Variants in IL1R2 observed in about 807,000 individuals in gnomAD.
IL1R2 encodes the protein interleukin-1 receptor type 2.
In IL1R2, 46 loss-of-function variants were observed where a neutral mutation model predicts 39.5. The observed-to-expected ratio is 1.16, with a 90% CI of 0.92 to 1.49. The LOEUF (loss-of-function observed/expected upper bound fraction) is 1.49, where lower values mean the gene tolerates loss of function less well. IL1R2 is among the 40% of genes most tolerant of loss of function. The pLI, the probability that IL1R2 is intolerant of heterozygous loss-of-function variation, is 0.00. For missense variants in IL1R2, 537 were observed against 502.0 expected, an observed-to-expected ratio of 1.07 and a Z score of -0.67; for synonymous variants, 207 against 189.6, an observed-to-expected ratio of 1.09 and a Z score of -0.75.
At position 102,022,257 on chromosome 2, in the gene IL1R2, C is replaced by T; in HGVS notation, c.751+8C>T. 1 of 1,611,046 alleles carries T rather than the reference C, an allele frequency of 6.2e-7. No individual in the cohort carries two copies. Among genetic ancestry groups the T allele is most frequent in the Non-Finnish European group, 8.5e-7 (1 of 1,177,146 alleles). On this transcript the variant is annotated splice_region_variant and intron_variant, in intron 6 of 8. Transcript: ENST00000332549. ...CCATATCAGCTTCTCTGGGTAAGGCCCACAAGGACCATGCATTCCACGCAC... is the reference window on the plus strand; with the variant it reads ...CCATATCAGCTTCTCTGGGTAAGGCTCACAAGGACCATGCATTCCACGCAC...
At chr2:102,003,924 T>A (rs538466858) in intron 1 of IL1R2, among the ~76,000 whole-genome samples, 1 of 152,054 alleles carries the variant, frequency 6.6e-6, no homozygotes, top group African/African-American at 2.4e-5. Flanking sequence ...TATGTGTATG[T>A]CTAGGTCTAG....
intron 1 of IL1R2, among the ~76,000 whole-genome samples, chr2:102,007,567 T>C (rs1330535751): frequency 1.3e-5 from 2 of 152,190 alleles, no homozygotes; most frequent in Non-Finnish European, 2.9e-5. Flanking sequence ...CTTAATAATT[T>C]AGAAGCTTAT....
In IL1R2 at chr2:102,022,210, G is replaced by C. The variant is rs1677444010; in HGVS notation, c.712G>C (p.Val238Leu). 5.0e-6 allele frequency: 8 copies of C among 1,613,656 alleles called. No homozygotes were observed. Among genetic ancestry groups the C allele is most frequent in the African/African-American group, 4.0e-5 (3 of 74,912 alleles). The change falls in exon 6 of 9, where the codon GTG becomes CTG. Residue 238 changes from valine to leucine, a missense_variant. Coordinates refer to ENST00000332549, the MANE Select transcript of IL1R2 (RefSeq NM_004633.4). The part of the protein sequence containing the change: ...IKKKKEETIP[V>L]IISPLKTISA... ...AGAAAAAAAAGAAGAGACCATTCCT[G>C]TGATCATTTCCCCCCTCAAGACCAT...
intron 5 of IL1R2, 23 bp downstream of exon 5, chr2:102,019,835 C>A: frequency 2.5e-6 from 4 of 1,591,002 alleles, no homozygotes; most frequent in Non-Finnish European, 3.4e-6. Context: ...CATTGAGGCA[C>A]CTATCTATCC....
intron 4 of IL1R2, 94 bp downstream of exon 4, chr2:102,016,145 G>A: frequency 3.1e-6 from 3 of 970,016 alleles, no homozygotes; most frequent in South Asian, 3.2e-5. Flanking sequence ...TCTGAAGACA[G>A]TGCACACACA....
intron 6 of IL1R2, 53 bp from the exon 7 acceptor site, chr2:102,024,480 T>C: frequency 1.5e-6 from 2 of 1,334,054 alleles, no homozygotes; most frequent in South Asian, 2.3e-5. Flanking sequence ...GGTTTGCTGG[T>C]GGGTGGGAGG....
chr2:102,017,528 A>G (rs1052516665), intron 4 of IL1R2, among the ~76,000 whole-genome samples: 5 of 152,150 alleles, frequency 3.3e-5, no homozygotes, highest in Non-Finnish European at 5.9e-5. Context: ...AGAACATCAG[A>G]TATTGTCATT....
intron 8 of IL1R2, among the ~76,000 whole-genome samples, chr2:102,026,783 A>G (rs1216845279): frequency 6.6e-6 from 1 of 152,202 alleles, no homozygotes; most frequent in African/African-American, 2.4e-5. Context: ...CCACATTATC[A>G]TTTTTGATTA....
At position 102,004,074 on chromosome 2, in the gene IL1R2, A is replaced by C. The variant is rs374162128; in HGVS notation, c.-61-4441A>C. Among the ~76,000 whole-genome samples the C allele has an allele frequency of 2.0e-5, 3 of 150,556 alleles. No individual in the cohort carries two copies. In the East Asian group the frequency reaches 5.8e-4, roughly 29 times the overall value. On this transcript the variant is annotated intron_variant, in intron 1 of 8. Coordinates refer to ENST00000332549, the MANE Select transcript of IL1R2 (RefSeq NM_004633.4). ...GTGCCTGTGTGTAAATAGAAAGAGA[A>C]GAAGAGGGAGAGTGAGAATAAAGCG... is the stretch of plus-strand genomic sequence containing the variant.
At chr2:102,026,432 G>A (rs1314793210) in intron 8 of IL1R2, among the ~76,000 whole-genome samples, 179 bp downstream of exon 8, 1 of 152,162 alleles carries the variant, frequency 6.6e-6, no homozygotes, top group Non-Finnish European at 1.5e-5. Context: ...GTGGAGGCTG[G>A]ACTTTGGGAG....
intron 7 of IL1R2, 144 bp downstream of exon 7, chr2:102,024,812 T>C (rs1314435095): frequency 4.7e-6 from 5 of 1,056,954 alleles, no homozygotes; most frequent in Non-Finnish European, 5.1e-6. Flanking sequence ...TAAAAAATTG[T>C]ATTTTGCTAA....
chr2:102,028,419 A>T lies in IL1R2; in HGVS notation c.*27A>T, dbSNP rs769630369. The stretch of plus-strand genomic sequence containing the variant: ...ATAAATGGAATGAAATAATTCAAAC[A>T]CAAACTCCGTACGTCTTCTCTTATG... On this transcript the variant is annotated 3_prime_UTR_variant, in exon 9 of 9. Coordinates refer to ENST00000332549, the MANE Select transcript of IL1R2 (RefSeq NM_004633.4). 5.8e-6 allele frequency: 9 copies of T among 1,548,220 alleles called. No individual in the cohort carries two copies. The highest frequency in any genetic ancestry group is 7.9e-6 in the Non-Finnish European group (9 of 1,137,560).
intron 1 of IL1R2, among the ~76,000 whole-genome samples, chr2:101,998,092 A>G (rs1247070120): frequency 6.6e-6 from 1 of 152,168 alleles, no homozygotes; most frequent in Non-Finnish European, 1.5e-5. Context: ...GGTAATTGCA[A>G]TATTACCTTC....
chr2:102,009,833 C>A lies in IL1R2; in HGVS notation c.332+7C>A. 1.2e-6 allele frequency: 2 copies of A among 1,613,616 alleles called. No individual in the cohort carries two copies. Among genetic ancestry groups the A allele is most frequent in the Non-Finnish European group, 1.7e-6 (2 of 1,179,616 alleles). ...CCTACGTCTGCACTACTAGGTAAGT[C>A]TCCCTGTGCGGGGCTGGGGAGGGGA... is the stretch of plus-strand genomic sequence containing the variant. On this transcript the variant is annotated splice_region_variant and intron_variant, in intron 3 of 8. Coordinates refer to ENST00000332549, the MANE Select transcript of IL1R2 (RefSeq NM_004633.4).
intron 4 of IL1R2, 25 bp downstream of exon 4, chr2:102,016,076 T>C: frequency 6.4e-7 from 1 of 1,569,952 alleles, no homozygotes; most frequent in East Asian, 2.3e-5. Context: ...AATGCCATTT[T>C]ACTAAAATGT....
chr2:101,993,586 C>CTTTCTGTCTCTACT (rs1675448405), intron 1 of IL1R2, among the ~76,000 whole-genome samples: 1 of 152,096 alleles, frequency 6.6e-6, no homozygotes, highest in Non-Finnish European at 1.5e-5. Context: ...CTGTTTCTCT[C>CTTTCTGTCTCTACT]TCTCTCTCTG....
At chr2:102,010,574 TA>T (rs35560069) in intron 3 of IL1R2, among the ~76,000 whole-genome samples, 47,883 of 126,914 alleles carry the variant, frequency 0.38, 8,679 homozygotes, top group East Asian at 0.57. Context: ...AGACTCTGTC[TA>T]AAAAAAAAAA....
At chr2:102,015,820 T>C in intron 3 of IL1R2, 51 bp from the exon 4 acceptor site, 1 of 1,414,162 alleles carries the variant, frequency 7.1e-7, no homozygotes, top group Non-Finnish European at 1.0e-6. Context: ...TTCATTTAGC[T>C]TTACTTTTAT....
Position 102,003,923 on chromosome 2 carries a change from G to C in IL1R2, c.-61-4592G>C, listed in dbSNP as rs202167918. Reference sequence around the variant, plus strand: ...TGTCTCTGTCTGTGTCTATGTGTATGTCTAGGTCTAGGTCTAGGTCTGTGT... The same window carrying C: ...TGTCTCTGTCTGTGTCTATGTGTATCTCTAGGTCTAGGTCTAGGTCTGTGT... On this transcript the variant is annotated intron_variant, in intron 1 of 8. Transcript: ENST00000332549. 1.1e-4 allele frequency among the ~76,000 whole-genome samples: 16 copies of C among 151,910 alleles called. No individual in the cohort carries two copies. The East Asian group carries it at 2.7e-3, about 26-fold the overall frequency.
Sources: allele counts gnomAD v4.1 joint callset (sites outside exome capture counted in the v4.1 genomes callset), GRCh38; gene constraint gnomAD v4.1.1; transcripts MANE v1.5; gene names NCBI Gene and HGNC (gene_info 2026-07-23, HGNC 2026-07-21).